The following ABLIM2 variants were observed in gnomAD, a reference collection of about 807,000 sequenced individuals.
The protein encoded by ABLIM2 is actin-binding LIM protein 2.
In ABLIM2, 53 loss-of-function variants were observed where a neutral mutation model predicts 97.7. The observed-to-expected ratio is 0.54, with a 90% CI of 0.44 to 0.68. The LOEUF (loss-of-function observed/expected upper bound fraction) is 0.68, where lower values mean the gene tolerates loss of function less well. Ranked by LOEUF, ABLIM2 falls within the 30% of genes least tolerant of loss-of-function variation. The pLI, the probability that ABLIM2 is intolerant of heterozygous loss-of-function variation, is 0.00. For missense variants in ABLIM2, 835 were observed against 867.2 expected (o/e 0.96, Z 0.47); for synonymous variants, 361 against 345.8 (o/e 1.04, Z -0.49).
intron 12 of ABLIM2, among the ~76,000 whole-genome samples, chr4:8,024,174 G>A (rs1398068464): frequency 6.6e-6 from 1 of 152,174 alleles, no homozygotes; most frequent in East Asian, 1.9e-4. Context: ...TTCCTTCTCA[G>A]GCCAGGGGTT....
chr4:8,147,742 C>T lies in ABLIM2; in HGVS notation c.10+10938G>A, dbSNP rs1458864019. On this transcript the variant is annotated intron_variant, in intron 1 of 20. Transcript: ENST00000447017. This position sits in a 1 kb window ranked among gnomAD's most constrained non-coding sequence, Gnocchi z 5.3. ...GGGAGCTGCCAGCGCCGTTTAGCCT[C>T]GGACACTGACATTGAACTGCTGGCC... is the stretch of plus-strand genomic sequence containing the variant. Among the ~76,000 whole-genome samples the T allele has an allele frequency of 1.3e-5, 2 of 152,212 alleles. No individual in the cohort carries two copies. The highest frequency in any genetic ancestry group is 2.9e-5 in the Non-Finnish European group (2 of 68,040).
rs566598676 is a variant in ABLIM2 at position 7,992,705 on chromosome 4, G to C, written c.1680+161C>G. On this transcript the variant is annotated intron_variant, in intron 17 of 20. Transcript: ENST00000447017. The surrounding 1 kb of genome is among the most constrained non-coding windows in gnomAD (Gnocchi z 5.7). The stretch of plus-strand genomic sequence containing the variant: ...CGGTCCTGCTAGGGAAAAAGCAGTG[G>C]TGGCAGTGGCAGCCCCTGGGAAGGG... Among the ~76,000 whole-genome samples the C allele has an allele frequency of 3.9e-5, 6 of 152,228 alleles. No homozygotes were observed. Among genetic ancestry groups the C allele is most frequent in the Non-Finnish European group, 7.4e-5 (5 of 68,002 alleles).
chr4:8,000,920 G>T (rs978185993), intron 16 of ABLIM2, among the ~76,000 whole-genome samples: 1 of 152,198 alleles, frequency 6.6e-6, no homozygotes, highest in Non-Finnish European at 1.5e-5. Flanking sequence ...CAAAGTCACC[G>T]CTGGACATTC....
At position 8,097,192 on chromosome 4, in the gene ABLIM2, C is replaced by G; in HGVS notation, c.245G>C (p.Arg82Pro). 1.3e-6 allele frequency: 2 copies of G among 1,598,824 alleles called. No homozygotes were observed. Among genetic ancestry groups the G allele is most frequent in the Non-Finnish European group, 1.7e-6 (2 of 1,173,260 alleles). The change falls in exon 3 of 21, where the codon CGC becomes CCC. Residue 82 changes from arginine (R) to proline (P), a missense_variant. By Grantham distance (103) the Arg-to-Pro change is moderately radical (BLOSUM62 -2). Transcript: ENST00000447017. The part of the protein sequence containing the change: ...TLDYQRLYGT[R>P]CFSCDQFIEG... Reference sequence around the variant, plus strand: ...AATGAACTGGTCGCAGCTGAAGCAGCGGGTGCCGTAGAGCCTCTGGTAGTC... The same window carrying G: ...AATGAACTGGTCGCAGCTGAAGCAGGGGGTGCCGTAGAGCCTCTGGTAGTC...
chr4:8,000,390 T>C (rs1756296143), intron 16 of ABLIM2, among the ~76,000 whole-genome samples: 1 of 152,138 alleles, frequency 6.6e-6, no homozygotes, highest in African/African-American at 2.4e-5. Flanking sequence ...GGATCATCCC[T>C]GTTCTTACAG....
intron 1 of ABLIM2, among the ~76,000 whole-genome samples, chr4:8,135,583 T>C (rs992336733): frequency 5.3e-5 from 8 of 152,224 alleles, no homozygotes; most frequent in Non-Finnish European, 1.0e-4. Flanking sequence ...AGCAGTCCTT[T>C]CCAGACACTG....
chr4:8,078,592 G>A (rs1175638414), intron 5 of ABLIM2, among the ~76,000 whole-genome samples: 1 of 152,240 alleles, frequency 6.6e-6, no homozygotes, highest in Admixed American at 6.5e-5. Flanking sequence ...GGGACAGCAG[G>A]TCAGCAGTGG....
intron 1 of ABLIM2, among the ~76,000 whole-genome samples, chr4:8,131,416 G>A (rs1849345590): frequency 6.6e-6 from 1 of 152,170 alleles, no homozygotes; most frequent in Non-Finnish European, 1.5e-5. Context: ...CTGCAGTGCA[G>A]AAAATTATAT....
intron 8 of ABLIM2, among the ~76,000 whole-genome samples, chr4:8,050,816 G>C (rs946224054): frequency 1.3e-5 from 2 of 152,218 alleles, no homozygotes; most frequent in Non-Finnish European, 2.9e-5. Context: ...CCCTGGACTC[G>C]GCGCTAAGAG....
rs990684154 is a variant in ABLIM2, at chr4:8,023,707, C to T, written c.1268-3404G>A. 6.6e-6 allele frequency among the ~76,000 whole-genome samples: 1 copy of T among 152,256 alleles called. No individual in the cohort carries two copies. Among genetic ancestry groups the T allele is most frequent in the Non-Finnish European group, 1.5e-5 (1 of 68,044 alleles). ...GACCCCCTCCTGGAGGACGAGGCAT[C>T]TACTCCCGTTATTTGGAATTCCTCT... On this transcript the variant is annotated intron_variant, in intron 12 of 20. Coordinates refer to ENST00000447017, the MANE Select transcript of ABLIM2 (RefSeq NM_001130083.2). The surrounding 1 kb of genome is among the most constrained non-coding windows in gnomAD (Gnocchi z 5.7).
At chr4:8,151,226 G>A (rs1458744483) in intron 1 of ABLIM2, among the ~76,000 whole-genome samples, 1 of 152,154 alleles carries the variant, frequency 6.6e-6, no homozygotes, top group Non-Finnish European at 1.5e-5. Flanking sequence ...CTCACATTTG[G>A]AAATGTTCAG....
In ABLIM2 at chr4:7,970,374, C is replaced by T. The variant is rs1577502480; in HGVS notation, c.1825-3271G>A. 6.6e-6 allele frequency among the ~76,000 whole-genome samples: 1 copy of T among 151,924 alleles called. No individual in the cohort carries two copies. Among genetic ancestry groups the T allele is most frequent in the East Asian group, 1.9e-4 (1 of 5,142 alleles). ...GGAAGGTGTCAAGGGGGTGGTGTGC[C>T]CCCTGCCATCTGCAATCGTGTACTT... On this transcript the variant is annotated intron_variant, in intron 20 of 20. Coordinates refer to ENST00000447017, the MANE Select transcript of ABLIM2 (RefSeq NM_001130083.2). This position sits in a 1 kb window ranked among gnomAD's most constrained non-coding sequence, Gnocchi z 5.3.
At position 8,004,933 on chromosome 4, in the gene ABLIM2, G is replaced by C. The variant is rs376624864; in HGVS notation, c.1618+3126C>G. Among the ~76,000 whole-genome samples, 1 of 152,320 alleles carries C rather than the reference G, an allele frequency of 6.6e-6. No homozygotes were observed. Among genetic ancestry groups the C allele is most frequent in the South Asian group, 2.1e-4 (1 of 4,830 alleles). Reference sequence around the variant, plus strand: ...AACTAATGGAATGGGGATGGCTCCCGGGTTTGTCACCGCCATAAAGTCCTC... The same window carrying C: ...AACTAATGGAATGGGGATGGCTCCCCGGTTTGTCACCGCCATAAAGTCCTC... On this transcript the variant is annotated intron_variant, in intron 16 of 20. Transcript: ENST00000447017. This position sits in a 1 kb window ranked among gnomAD's most constrained non-coding sequence, Gnocchi z 5.9.
chr4:8,130,308 A>AT lies in ABLIM2; in HGVS notation c.11-23672_11-23671insA. On this transcript the variant is annotated intron_variant, in intron 1 of 20. Coordinates refer to ENST00000447017, the MANE Select transcript of ABLIM2 (RefSeq NM_001130083.2). The surrounding 1 kb of genome is among the most constrained non-coding windows in gnomAD (Gnocchi z 4.2). ...GGGATGGCCCATGCTGGGAAACATC[A>AT]CGTTGCTTTGAGGCCATCATCTTAA... Among the ~76,000 whole-genome samples the AT allele has an allele frequency of 2.0e-5, 3 of 152,150 alleles. No homozygotes were observed. The highest frequency in any genetic ancestry group is 4.4e-5 in the Non-Finnish European group (3 of 68,028).
intron 20 of ABLIM2, among the ~76,000 whole-genome samples, chr4:7,978,878 A>G (rs912551142): frequency 2.0e-5 from 3 of 152,326 alleles, no homozygotes; most frequent in East Asian, 3.9e-4. Context: ...GGATGGTCCC[A>G]TGTGATGGTA....
intron 9 of ABLIM2, among the ~76,000 whole-genome samples, chr4:8,038,372 C>T (rs1785919475): frequency 6.6e-6 from 1 of 152,176 alleles, no homozygotes; most frequent in African/African-American, 2.4e-5. Flanking sequence ...GCCTCTCAGG[C>T]CCAGATGCAT....
intron 1 of ABLIM2, among the ~76,000 whole-genome samples, chr4:8,116,598 T>A (rs1842909356): frequency 6.6e-6 from 1 of 152,240 alleles, no homozygotes; most frequent in African/African-American, 2.4e-5. Context: ...TGGTTTCCAG[T>A]TGCAGGTAGA....
intron 12 of ABLIM2, among the ~76,000 whole-genome samples, chr4:8,025,531 T>C (rs1776758677): frequency 6.6e-6 from 1 of 152,132 alleles, no homozygotes; most frequent in Non-Finnish European, 1.5e-5. Context: ...GCTCTCTCCT[T>C]GGCTGTCTCG....
intron 12 of ABLIM2, 69 bp from the exon 13 acceptor site, chr4:8,020,372 A>T: frequency 7.2e-7 from 1 of 1,391,126 alleles, no homozygotes; most frequent in Non-Finnish European, 1.0e-6. Flanking sequence ...TATTTCAAGC[A>T]TGAAAAGCTT....
Sources: gnomAD v4.1 joint callset for allele counts (sites outside exome capture counted in the v4.1 genomes callset) on GRCh38, gnomAD v4.1.1 for gene constraint, Gnocchi (gnomAD v3.1) non-coding constraint, MANE v1.5 for transcripts, NCBI Gene and HGNC (gene_info 2026-07-23, HGNC 2026-07-21) for gene names.